Variants in DSCAML1 observed in about 807,000 individuals in gnomAD.
DSCAML1 encodes the protein cell adhesion molecule DSCAML1.
In DSCAML1, 38 loss-of-function variants were observed where a neutral mutation model predicts 200.5. That is an observed-to-expected ratio of 0.19 (90% confidence interval 0.15 to 0.25). DSCAML1 has a LOEUF of 0.25. DSCAML1 is among the 10% of genes least tolerant of loss of function. The pLI is 1.00. For missense variants in DSCAML1, 2,223 were observed against 2,858.8 expected (o/e 0.78, Z 5.07); for synonymous variants, 1,215 against 1,165.0 (o/e 1.04, Z -0.87).
chr11:117,559,441 C>T (rs2050620760), intron 3 of DSCAML1, among the ~76,000 whole-genome samples: 1 of 152,230 alleles, frequency 6.6e-6, no homozygotes, highest in African/African-American at 2.4e-5. Context: ...CCCTGCACTT[C>T]AATATATCTC....
intron 11 of DSCAML1, among the ~76,000 whole-genome samples, chr11:117,494,690 T>C (rs2049256741): frequency 2.0e-5 from 3 of 152,120 alleles, no homozygotes; most frequent in South Asian, 4.1e-4. Context: ...GTAATCAAGA[T>C]GTAAGTTAAG....
chr11:117,614,016 T>A (rs2051756749), intron 3 of DSCAML1, among the ~76,000 whole-genome samples: 1 of 152,154 alleles, frequency 6.6e-6, no homozygotes, highest in Non-Finnish European at 1.5e-5. Flanking sequence ...GAGGGGCTAC[T>A]TTTAAATATT....
At chr11:117,531,546 C>G (rs749253793) in intron 4 of DSCAML1, among the ~76,000 whole-genome samples, 1 of 152,050 alleles carries the variant, frequency 6.6e-6, no homozygotes, top group Non-Finnish European at 1.5e-5. Flanking sequence ...TCAAATGTTG[C>G]GAGGTGGCCT....
chr11:117,514,584 T>C lies in DSCAML1; in HGVS notation c.1783+1883A>G, dbSNP rs56793336. Among the ~76,000 whole-genome samples, 444 of 85,282 alleles carry C rather than the reference T, an allele frequency of 5.2e-3. 10 individuals are homozygous for C. Among genetic ancestry groups the C allele is most frequent in the Non-Finnish European group, 6.2e-3 (232 of 37,188 alleles). The allele number at this position is 85,282 out of a possible 152,430, so 55.9% of individuals were successfully genotyped here. On this transcript the variant is annotated intron_variant, in intron 8 of 32. Coordinates refer to ENST00000651296, the MANE Select transcript of DSCAML1 (RefSeq NM_020693.4). ...TTCTTTTCTTTTTCTTTTTTTTTTT[T>C]TTTTTTTTTTTTTTTGAGATGGAGT...
chr11:117,433,612 G>C lies in DSCAML1; in HGVS notation c.4877-141C>G, dbSNP rs986903889. 3.8e-5 allele frequency: 33 copies of C among 858,754 alleles called. No homozygotes were observed. In the African/African-American group the frequency reaches 5.4e-4, roughly 14 times the overall value. 53.2% of individuals were successfully genotyped at this position (858,754 alleles called of 1,614,324 possible). A position where few individuals can be genotyped will look rare whatever the true frequency, so the allele number is the denominator to read the frequency against. On this transcript the variant is annotated intron_variant, in intron 27 of 32. Transcript: ENST00000651296. ...TCTCCTAAGAAGCAGAAGGAGAAATGTAAGGACCTACAAAACAGCCCAAAA... is the reference window on the plus strand; with the variant it reads ...TCTCCTAAGAAGCAGAAGGAGAAATCTAAGGACCTACAAAACAGCCCAAAA...
chr11:117,620,721 G>A (rs1397480445), intron 3 of DSCAML1, among the ~76,000 whole-genome samples: 1 of 152,226 alleles, frequency 6.6e-6, no homozygotes, highest in African/African-American at 2.4e-5. Context: ...TCAAACACAG[G>A]ATGAAGAGTC....
chr11:117,721,813 T>A (rs7396992), intron 3 of DSCAML1, among the ~76,000 whole-genome samples: 130,485 of 146,546 alleles, frequency 0.89, 58,863 homozygotes, highest in Non-Finnish European at 0.97. Context: ...ATATATATAT[T>A]TTTTTTTTTT....
intron 19 of DSCAML1, among the ~76,000 whole-genome samples, chr11:117,452,022 C>T (rs2048293577): frequency 6.6e-6 from 1 of 152,136 alleles, no homozygotes. Context: ...GAGTCCAGAA[C>T]CTGGGAATTG....
intron 3 of DSCAML1, among the ~76,000 whole-genome samples, chr11:117,576,334 G>T (rs1019757100): frequency 2.6e-5 from 4 of 152,140 alleles, no homozygotes; most frequent in African/African-American, 9.7e-5. Flanking sequence ...AGAGGTGAGG[G>T]GTTCTCCACA....
chr11:117,685,441 G>A (rs2053387743), intron 3 of DSCAML1, among the ~76,000 whole-genome samples: 1 of 152,182 alleles, frequency 6.6e-6, no homozygotes, highest in Non-Finnish European at 1.5e-5. Context: ...GGAGGCCCAG[G>A]CAGGGTCATG....
intron 3 of DSCAML1, among the ~76,000 whole-genome samples, chr11:117,543,301 T>C (rs1341248717): frequency 6.6e-6 from 1 of 152,174 alleles, no homozygotes; most frequent in Non-Finnish European, 1.5e-5. Flanking sequence ...TGCGCTGGCA[T>C]GTTGTGTACC....
intron 3 of DSCAML1, among the ~76,000 whole-genome samples, chr11:117,607,395 C>T (rs1014408955): frequency 3.3e-5 from 5 of 150,284 alleles, no homozygotes; most frequent in African/African-American, 7.4e-5. Flanking sequence ...TGGGTTTCTG[C>T]CACTGACACC....
intron 3 of DSCAML1, among the ~76,000 whole-genome samples, chr11:117,563,175 C>T (rs111450224): frequency 4.1e-4 from 62 of 152,246 alleles, no homozygotes; most frequent in African/African-American, 1.4e-3. Flanking sequence ...GTAGCTGACT[C>T]TGGGGCAGGT....
In DSCAML1 at chr11:117,480,378, G is replaced by A. The variant is rs1221417336; in HGVS notation, c.2785+65C>T. On this transcript the variant is annotated intron_variant, in intron 14 of 32. Transcript: ENST00000651296. The surrounding 1 kb of genome is among the most constrained non-coding windows in gnomAD (Gnocchi z 4.1). ...AGGGGCTCTCCTCCCAGAGGGCACA[G>A]GCAGGACACGTGGCACAAGGGGCCA... 1 of 1,599,316 alleles carries A rather than the reference G, an allele frequency of 6.3e-7. No homozygotes were observed. The highest frequency in any genetic ancestry group is 1.3e-5 in the African/African-American group (1 of 74,740).
rs115970687 is a variant in DSCAML1, at chr11:117,702,661, G to A, written c.511+74130C>T. ...GTACACGTTTGTTGCATGAATGAAT[G>A]AAAACATATTTAATACAACTTTTAA... On this transcript the variant is annotated intron_variant, in intron 3 of 32. Coordinates refer to ENST00000651296, the MANE Select transcript of DSCAML1 (RefSeq NM_020693.4). Among the ~76,000 whole-genome samples, 1,377 of 152,268 alleles carry A rather than the reference G, an allele frequency of 9.0e-3. 4 individuals are homozygous for A. The highest frequency in any genetic ancestry group is 0.021 in the African/African-American group (856 of 41,552).
chr11:117,581,079 C>G (rs1003820608), intron 3 of DSCAML1, among the ~76,000 whole-genome samples: 1 of 152,188 alleles, frequency 6.6e-6, no homozygotes, highest in Non-Finnish European at 1.5e-5. Flanking sequence ...TGGAAGGGAC[C>G]GCTGCAGGTC....
chr11:117,754,699 A>G (rs1184015347), intron 3 of DSCAML1, among the ~76,000 whole-genome samples: 4 of 152,150 alleles, frequency 2.6e-5, no homozygotes, highest in African/African-American at 9.7e-5. Flanking sequence ...GGAGGGAGTC[A>G]TATGGGGAAG....
At chr11:117,471,598 T>C (rs78712128) in intron 15 of DSCAML1, among the ~76,000 whole-genome samples, 1 of 152,210 alleles carries the variant, frequency 6.6e-6, no homozygotes, top group Non-Finnish European at 1.5e-5. Flanking sequence ...TACCCTATCT[T>C]GCAGATAGAT....
intron 3 of DSCAML1, among the ~76,000 whole-genome samples, chr11:117,613,205 CCAAA>C (rs1300498268): frequency 2.0e-5 from 3 of 152,002 alleles, no homozygotes; most frequent in African/African-American, 4.8e-5. Flanking sequence ...TTCTGTGACT[CCAAA>C]CAAACAGGAG....
Sources: gnomAD v4.1 joint callset for allele counts (sites outside exome capture counted in the v4.1 genomes callset) on GRCh38, gnomAD v4.1.1 for gene constraint, Gnocchi (gnomAD v3.1) non-coding constraint, MANE v1.5 for transcripts, NCBI Gene and HGNC (gene_info 2026-07-23, HGNC 2026-07-21) for gene names.